Variants in FER observed in about 807,000 individuals in gnomAD.
FER encodes FER tyrosine kinase, also known as tyrosine-protein kinase Fer.
FER carries 63 observed loss-of-function variants against 111.0 expected under a neutral mutation model. The observed-to-expected ratio is 0.57, with a 90% CI of 0.46 to 0.70. The LOEUF is 0.70. Ranked by LOEUF, FER falls within the 30% of genes least tolerant of loss-of-function variation. FER has a pLI of 0.00. For missense variants in FER, 914 were observed against 954.0 expected, an observed-to-expected ratio of 0.96 and a Z score of 0.55; for synonymous variants, 327 against 313.9, an observed-to-expected ratio of 1.04 and a Z score of -0.44.
chr5:108,789,335 T>G (rs990285622), intron 2 of FER, among the ~76,000 whole-genome samples: 1 of 152,146 alleles, frequency 6.6e-6, no homozygotes, highest in Non-Finnish European at 1.5e-5. Context: ...CACATAGAGT[T>G]TAATTTTGGA....
At chr5:108,977,892 C>G (rs186615380) in intron 13 of FER, among the ~76,000 whole-genome samples, 96 of 152,280 alleles carry the variant, frequency 6.3e-4, no homozygotes, top group African/African-American at 2.3e-3. Context: ...TGTCACCCAG[C>G]TGGAGTGCAG....
intron 9 of FER, among the ~76,000 whole-genome samples, chr5:108,892,531 A>C (rs1400053329): frequency 6.6e-6 from 1 of 151,582 alleles, no homozygotes; most frequent in African/African-American, 2.4e-5. Flanking sequence ...TTTTTCTTGT[A>C]AATTTGTTTG....
chr5:108,880,756 C>T (rs529033214), intron 8 of FER, among the ~76,000 whole-genome samples: 1 of 152,002 alleles, frequency 6.6e-6, no homozygotes, highest in South Asian at 2.1e-4. Context: ...GAAAAATGTT[C>T]AATCTGACCT....
chr5:108,897,643 A>T lies in FER; in HGVS notation c.1047-16A>T. 6.6e-7 allele frequency: 1 copy of T among 1,510,644 alleles called. No individual in the cohort carries two copies. Among genetic ancestry groups the T allele is most frequent in the Non-Finnish European group, 8.8e-7 (1 of 1,130,852 alleles). The allele number at this position is 1,510,644 out of a possible 1,614,324, so 93.6% of individuals were successfully genotyped here. A position where few individuals can be genotyped will look rare whatever the true frequency, so the allele number is the denominator to read the frequency against. On this transcript the variant is annotated splice_polypyrimidine_tract_variant and intron_variant, in intron 9 of 19. Coordinates refer to ENST00000281092, the MANE Select transcript of FER (RefSeq NM_005246.4). ...TCTTAATGAAGTTGAAATCATTTAT[A>T]TTTATTCTCTTTTAGTATTGTGCTT... is the stretch of plus-strand genomic sequence containing the variant.
intron 13 of FER, among the ~76,000 whole-genome samples, chr5:108,997,534 AT>A (rs1764154647): frequency 6.6e-6 from 1 of 151,768 alleles, no homozygotes; most frequent in Non-Finnish European, 1.5e-5. Context: ...AATACCCTTT[AT>A]TTCTGTCTCT....
intron 16 of FER, among the ~76,000 whole-genome samples, chr5:109,087,006 T>A (rs1313756436): frequency 6.7e-6 from 1 of 148,342 alleles, no homozygotes; most frequent in Non-Finnish European, 1.5e-5. Flanking sequence ...AGATTAGGGC[T>A]TACCCTGGGG....
At chr5:108,966,309 TG>T (rs1215889948) in intron 13 of FER, among the ~76,000 whole-genome samples, 1 of 152,150 alleles carries the variant, frequency 6.6e-6, no homozygotes, top group Non-Finnish European at 1.5e-5. Context: ...AGGCAGGATT[TG>T]ATATTTATAG....
intron 2 of FER, among the ~76,000 whole-genome samples, chr5:108,784,703 A>G (rs1167816370): frequency 6.6e-6 from 1 of 152,270 alleles, no homozygotes; most frequent in Non-Finnish European, 1.5e-5. Flanking sequence ...TAGATTTACT[A>G]AAAGTATTCC....
At chr5:109,005,423 G>T (rs1215753456) in intron 13 of FER, among the ~76,000 whole-genome samples, 3 of 151,950 alleles carry the variant, frequency 2.0e-5, no homozygotes, top group Admixed American at 2.0e-4. Flanking sequence ...ACATACTTAT[G>T]TAACACATAC....
intron 11 of FER, 46 bp downstream of exon 11, chr5:108,946,268 A>G (rs1428538031): frequency 1.5e-6 from 2 of 1,321,502 alleles, no homozygotes; most frequent in Non-Finnish European, 1.1e-6. Context: ...GTCATTGTCT[A>G]GCTTCTTTCT....
intron 17 of FER, among the ~76,000 whole-genome samples, chr5:109,138,948 G>A (rs1753204205): frequency 6.6e-6 from 1 of 152,190 alleles, no homozygotes; most frequent in African/African-American, 2.4e-5. Flanking sequence ...ATTTCTAACA[G>A]AAGTAGAGGG....
At chr5:108,943,945 G>T (rs985190165) in intron 10 of FER, among the ~76,000 whole-genome samples, 17 of 151,992 alleles carry the variant, frequency 1.1e-4, no homozygotes, top group Non-Finnish European at 2.4e-4. Flanking sequence ...TGTTGCCGAG[G>T]CTGGTATCAA....
intron 16 of FER, among the ~76,000 whole-genome samples, chr5:109,091,622 C>G (rs936140962): frequency 6.6e-6 from 1 of 152,184 alleles, no homozygotes; most frequent in Non-Finnish European, 1.5e-5. Context: ...CTTGAGAGAG[C>G]TGCAGGCACC....
chr5:109,101,737 A>G (rs924973722), intron 17 of FER, among the ~76,000 whole-genome samples: 2 of 152,140 alleles, frequency 1.3e-5, no homozygotes, highest in Non-Finnish European at 2.9e-5. Context: ...CTTAAAAAGC[A>G]TTTGATTCTG....
chr5:108,776,239 T>C (rs1366106484), intron 2 of FER, among the ~76,000 whole-genome samples: 1 of 152,166 alleles, frequency 6.6e-6, no homozygotes, highest in Non-Finnish European at 1.5e-5. Flanking sequence ...TGTTACATAG[T>C]TTTTATTCAC....
At chr5:109,125,045 C>CAAAAAA (rs373849561) in intron 17 of FER, among the ~76,000 whole-genome samples, 19 of 75,568 alleles carry the variant, frequency 2.5e-4, no homozygotes, top group Non-Finnish European at 3.1e-4. Context: ...GACTCTGTCT[C>CAAAAAA]AAAAAAAAAA....
chr5:108,815,575 T>A (rs557415110), intron 3 of FER, among the ~76,000 whole-genome samples: 2 of 152,304 alleles, frequency 1.3e-5, no homozygotes, highest in East Asian at 3.9e-4. Flanking sequence ...TGAATTTTAC[T>A]TTGCTTCTTC....
intron 16 of FER, among the ~76,000 whole-genome samples, chr5:109,049,483 A>G (rs897343447): frequency 2.6e-5 from 4 of 152,140 alleles, no homozygotes; most frequent in African/African-American, 7.2e-5. Context: ...TCTATCTTCA[A>G]AGTCAGCACG....
chr5:108,783,923 A>G (rs1224749752), intron 2 of FER, among the ~76,000 whole-genome samples: 1 of 152,132 alleles, frequency 6.6e-6, no homozygotes, highest in East Asian at 1.9e-4. Flanking sequence ...ATATCTAGCA[A>G]AACTGGGTTT....
Sources: allele counts gnomAD v4.1 joint callset (sites outside exome capture counted in the v4.1 genomes callset), GRCh38; gene constraint gnomAD v4.1.1; transcripts MANE v1.5; gene names NCBI Gene and HGNC (gene_info 2026-07-23, HGNC 2026-07-21).